The following SP140 variants were observed in gnomAD, a reference collection of about 807,000 sequenced individuals.
SP140 encodes the protein SP140 nuclear body protein, also known as nuclear body protein SP140.
A neutral mutation model predicts 125.0 loss-of-function variants in SP140; 81 were observed. The observed-to-expected ratio is 0.65, with a 90% CI of 0.54 to 0.78. SP140 has a LOEUF of 0.78. Ranked by LOEUF, SP140 falls within the 30% of genes least tolerant of loss-of-function variation. The pLI is 0.00. For missense variants in SP140, 858 were observed against 1,037.0 expected (o/e 0.83, Z 2.37); for synonymous variants, 312 against 354.0 (o/e 0.88, Z 1.33).
chr2:230,253,976 T>C (rs1287668400), intron 11 of SP140, among the ~76,000 whole-genome samples: 1 of 152,004 alleles, frequency 6.6e-6, no homozygotes, highest in South Asian at 2.1e-4. Context: ...TATAAAATCG[T>C]GGACATTTTA....
In SP140 at chr2:230,238,395, T is replaced by C. The variant is rs1212827656; in HGVS notation, c.406+14T>C. ...GCTTCCAGAATGGTAACTATAGCTC[T>C]CAACAGCTTTGGGGGATTCAAGCCC... On this transcript the variant is annotated intron_variant, in intron 3 of 26. Transcript: ENST00000392045. 6.2e-7 allele frequency: 1 copy of C among 1,601,432 alleles called. No homozygotes were observed. The highest frequency in any genetic ancestry group is 1.3e-5 in the African/African-American group (1 of 74,098).
chr2:230,274,624 T>A (rs2054438157), intron 15 of SP140, among the ~76,000 whole-genome samples: 1 of 152,198 alleles, frequency 6.6e-6, no homozygotes, highest in Non-Finnish European at 1.5e-5. Context: ...AATCTGTGAT[T>A]TTTTTGTCAC....
Position 230,211,692 on chromosome 2 carries a change from G to A in SP140, c.-322-1962G>A. The stretch of plus-strand genomic sequence containing the variant: ...AAGGCCTGGGAAAGGATGGCATAGA[G>A]TGGGAAAGTAAGCAACCATTCACTC... On this transcript the variant is annotated intron_variant, in intron 1 of 4. Coordinates refer to the SP140 transcript ENST00000456542. The surrounding 1 kb of genome is among the most constrained non-coding windows in gnomAD (Gnocchi z 4.2). 4.4e-6 allele frequency: 3 copies of A among 681,384 alleles called. No individual in the cohort carries two copies. The highest frequency in any genetic ancestry group is 8.0e-6 in the Non-Finnish European group (3 of 374,184). The allele number at this position is 681,384 out of a possible 1,614,324, so 42.2% of individuals were successfully genotyped here. A position where few individuals can be genotyped will look rare whatever the true frequency, so the allele number is the denominator to read the frequency against.
intron 15 of SP140, among the ~76,000 whole-genome samples, chr2:230,271,819 A>G (rs1426034506): frequency 6.6e-6 from 1 of 152,218 alleles, no homozygotes; most frequent in African/African-American, 2.4e-5. Context: ...TGTGCTTGGT[A>G]GAAACAACAA....
intron 6 of SP140, among the ~76,000 whole-genome samples, 158 bp from the exon 7 acceptor site, chr2:230,245,705 A>T (rs757647677): frequency 5.3e-5 from 8 of 152,146 alleles, no homozygotes; most frequent in Non-Finnish European, 1.0e-4. Context: ...AAGGGGCCTG[A>T]CAAGGTGCTA....
chr2:230,199,143 TTATTA>T (rs1418957946), upstream of SP140, among the ~76,000 whole-genome samples: 1 of 133,296 alleles, frequency 7.5e-6, no homozygotes, highest in Admixed American at 7.1e-5. Context: ...ATTATTATTA[TTATTA>T]TTTTTTTTTT....
At chr2:230,256,325 A>G (rs1056282130) in intron 12 of SP140, among the ~76,000 whole-genome samples, 31 of 152,120 alleles carry the variant, frequency 2.0e-4, no homozygotes, top group African/African-American at 7.0e-4. Context: ...CATATACACC[A>G]TGGAATACTA....
intron 7 of SP140, among the ~76,000 whole-genome samples, chr2:230,247,270 C>G (rs1465317428): frequency 1.3e-5 from 2 of 152,188 alleles, no homozygotes; most frequent in Admixed American, 6.5e-5. Flanking sequence ...CAAGACACCT[C>G]CAAGAGTACA....
intron 1 of SP140, among the ~76,000 whole-genome samples, chr2:230,206,480 G>C (rs2043814060): frequency 6.6e-6 from 1 of 150,822 alleles, no homozygotes; most frequent in South Asian, 2.1e-4. Flanking sequence ...TTAGAGCAGG[G>C]CTAGGTCTGT....
At chr2:230,196,738 T>C in the SP140 span, among the ~76,000 whole-genome samples, 4 of 146,614 alleles carry the variant, frequency 2.7e-5, no homozygotes, top group African/African-American at 1.0e-4. Context: ...TTCCCCTTCC[T>C]GTGTCCATGT....
At chr2:230,310,895 C>T (rs775774634) in intron 24 of SP140, 44 bp downstream of exon 24, 49 of 903,374 alleles carry the variant, frequency 5.4e-5, no homozygotes, top group Admixed American at 1.2e-4. Context: ...TCCCCTCACA[C>T]GTGAGAACCA....
chr2:230,255,409 GT>G, intron 11 of SP140, 42 bp from the exon 12 acceptor site: 1 of 1,604,248 alleles, frequency 6.2e-7, no homozygotes, highest in Non-Finnish European at 8.5e-7. Flanking sequence ...TTTTTTGTTG[GT>G]TGTATACTGA....
intron 8 of SP140, among the ~76,000 whole-genome samples, chr2:230,248,587 A>C (rs1574997673): frequency 6.6e-6 from 1 of 152,168 alleles, no homozygotes; most frequent in African/African-American, 2.4e-5. Context: ...TAGAAAAGGG[A>C]TATGGTATCA....
At chr2:230,190,071 T>C in the SP140 span, among the ~76,000 whole-genome samples, 1 of 152,226 alleles carries the variant, frequency 6.6e-6, no homozygotes, top group Non-Finnish European at 1.5e-5. Flanking sequence ...ATATACCCAG[T>C]AATGGGATTG....
intron 12 of SP140, among the ~76,000 whole-genome samples, chr2:230,263,329 T>C (rs2052574692): frequency 6.6e-6 from 1 of 152,164 alleles, no homozygotes; most frequent in African/African-American, 2.4e-5. Context: ...TTCCACCCCT[T>C]TACTTTAAGT....
intron 3 of SP140, among the ~76,000 whole-genome samples, chr2:230,218,994 G>T (rs2045540981): frequency 6.6e-6 from 1 of 152,216 alleles, no homozygotes. Flanking sequence ...GGAGGTTGAG[G>T]TGGGCGGATC....
chr2:230,243,811 G>T lies in SP140; in HGVS notation c.571G>T (p.Gly191Cys). The change falls in exon 5 of 27, where the codon GGT (glycine) becomes TGT (cysteine). Residue 191 changes from glycine to cysteine, a missense_variant and splice_region_variant. Around this residue, in one of 4 missense-constraint regions of SP140, gnomAD observed 791 missense variants for 869.5 expected, o/e 0.91. Coordinates refer to ENST00000392045, the MANE Select transcript of SP140 (RefSeq NM_007237.5). ...ALSSSPRCEP[G>C]FSSESCEQLA... ...GAGCTCCTCGCCAAGGTGTGAGCCA[G>T]GTAAGGAAGGAGTGACTTGCTCTCC... 6.2e-7 allele frequency: 1 copy of T among 1,609,164 alleles called. No individual in the cohort carries two copies. The highest frequency in any genetic ancestry group is 8.5e-7 in the Non-Finnish European group (1 of 1,175,886).
At chr2:230,244,224 T>C (rs1405840483) in intron 5 of SP140, among the ~76,000 whole-genome samples, 1 of 152,224 alleles carries the variant, frequency 6.6e-6, no homozygotes, top group Non-Finnish European at 1.5e-5. Flanking sequence ...CTAGTTATTG[T>C]TCAAAGAATT....
chr2:230,212,730 A>C (rs1000358789), intron 1 of SP140: 1 of 1,613,084 alleles, frequency 6.2e-7, no homozygotes, highest in Non-Finnish European at 8.5e-7. Flanking sequence ...GGCTGAGGAT[A>C]TACAGGTGTT....
Sources: allele counts gnomAD v4.1 joint callset (sites outside exome capture counted in the v4.1 genomes callset), GRCh38; gene constraint gnomAD v4.1.1; regional missense constraint gnomAD v4.1.1; non-coding constraint Gnocchi (gnomAD v3.1); transcripts MANE v1.5; gene names NCBI Gene and HGNC (gene_info 2026-07-23, HGNC 2026-07-21).